Variants in MTMR1 observed in about 807,000 individuals in gnomAD.
MTMR1 encodes the protein myotubularin related protein 1, also known as phosphatidylinositol-3-phosphate phosphatase MTMR1.
Under a neutral mutation model 51.6 loss-of-function variants are expected in MTMR1, and 17 were observed. The observed-to-expected ratio is 0.33, with a 90% CI of 0.23 to 0.49. MTMR1 has a LOEUF of 0.49. MTMR1 is among the 20% of genes least tolerant of loss of function. The pLI, the probability that MTMR1 is intolerant of heterozygous loss-of-function variation, is 0.99. For synonymous variants in MTMR1, 201 were observed against 205.6 expected (o/e 0.98, Z 0.19); for missense variants, 386 against 526.9 (o/e 0.73, Z 2.62).
intron 6 of MTMR1, among the ~76,000 whole-genome samples, 153 bp downstream of exon 6, chrX:150,727,944 C>T (rs1213020596): frequency 8.9e-6 from 1 of 111,808 alleles, no homozygotes; most frequent in Non-Finnish European, 1.9e-5. Context: ...AATCTCATAT[C>T]GAATTTAAAC....
chrX:150,713,306 C>T (rs921401754), intron 3 of MTMR1, among the ~76,000 whole-genome samples: 1 of 111,726 alleles, frequency 9.0e-6, no homozygotes, highest in Non-Finnish European at 1.9e-5. Context: ...CTTAATTACT[C>T]GATTTTCTTT....
In MTMR1 at chrX:150,693,683, G is replaced by A. The variant is rs2040558860; in HGVS notation, c.146+7G>A. ...GCGTGGAGACCCTGGACAGGTAAGC[G>A]GGGCCCGGGCTGCCCCGGCCTCCCG... On this transcript the variant is annotated splice_region_variant and intron_variant, in intron 1 of 15. Coordinates refer to ENST00000445323, the MANE Select transcript of MTMR1 (RefSeq NM_001306144.3). 5.3e-6 allele frequency: 4 copies of A among 756,955 alleles called. No homozygotes were observed. The highest frequency in any genetic ancestry group is 6.2e-6 in the Non-Finnish European group (4 of 641,777). 62.4% of individuals were successfully genotyped at this position (756,955 alleles called of 1,213,427 possible).
intron 14 of MTMR1, among the ~76,000 whole-genome samples, chrX:150,755,025 C>CCA (rs2042862752): frequency 1.8e-5 from 1 of 55,147 alleles, no homozygotes; most frequent in African/African-American, 7.3e-5. Context: ...GACTCCATCT[C>CCA]AAAAAAAAAA....
At chrX:150,744,830 C>T (rs1166460298) in intron 13 of MTMR1, among the ~76,000 whole-genome samples, 10 of 112,250 alleles carry the variant, frequency 8.9e-5, no homozygotes, top group Admixed American at 1.9e-4. Flanking sequence ...ACTGCTAGTA[C>T]ATGGGATTAG....
intron 3 of MTMR1, 42 bp downstream of exon 3, chrX:150,712,407 G>A (rs1557416250): frequency 2.7e-6 from 3 of 1,123,742 alleles, no homozygotes; most frequent in Non-Finnish European, 3.6e-6. Context: ...TCCTACTTGT[G>A]TGTGTCTGTG....
intron 2 of MTMR1, among the ~76,000 whole-genome samples, chrX:150,711,153 C>T (rs2041292229): frequency 8.9e-6 from 1 of 112,272 alleles, no homozygotes; most frequent in African/African-American, 3.2e-5. Flanking sequence ...TTAAAGCCAT[C>T]ACCACAGTTG....
rs782502558 is a variant in MTMR1, at chrX:150,752,725, C to CA, written c.1680+1883dup. On this transcript the variant is annotated intron_variant, in intron 14 of 15. Transcript: ENST00000445323. Reference sequence around the variant, plus strand: ...TAATTTACATACCATAAAATTCACCCATCTAAAATGTACAATTTCATGGTT... The same window carrying CA: ...TAATTTACATACCATAAAATTCACCCAATCTAAAATGTACAATTTCATGGTT... Among the ~76,000 whole-genome samples the CA allele has an allele frequency of 4.5e-3, 477 of 106,133 alleles. 3 individuals carry two copies. The highest frequency in any genetic ancestry group is 0.016 in the African/African-American group (455 of 28,866). 92.2% of individuals were successfully genotyped at this position (106,133 alleles called of 115,157 possible).
intron 4 of MTMR1, among the ~76,000 whole-genome samples, chrX:150,723,526 G>A (rs2041824008): frequency 9.0e-6 from 1 of 110,585 alleles, no homozygotes; most frequent in African/African-American, 3.3e-5. Flanking sequence ...GTTGTTTCCT[G>A]ACTTTTTAAT....
At chrX:150,712,246 T>C in intron 2 of MTMR1, 96 bp from the exon 3 acceptor site, 1 of 750,011 alleles carries the variant, frequency 1.3e-6, no homozygotes, top group South Asian at 2.6e-5. Context: ...AGGATTATGA[T>C]GTTTCTTAGG....
intron 2 of MTMR1, among the ~76,000 whole-genome samples, chrX:150,702,854 G>C (rs1015483708): frequency 4.5e-4 from 50 of 112,230 alleles, no homozygotes; most frequent in Admixed American, 4.4e-3. Flanking sequence ...AGCTGAAAGA[G>C]TAGATAGCTA....
chrX:150,744,286 C>A, intron 12 of MTMR1, 75 bp from the exon 13 acceptor site: 1 of 816,328 alleles, frequency 1.2e-6, no homozygotes, highest in Non-Finnish European at 1.8e-6. Context: ...TGATTCTTAC[C>A]ACTGGACAAC....
At chrX:150,745,340 G>A (rs2042547364) in intron 13 of MTMR1, among the ~76,000 whole-genome samples, 1 of 111,739 alleles carries the variant, frequency 8.9e-6, no homozygotes, top group South Asian at 3.8e-4. Flanking sequence ...TCATTCACCA[G>A]GAGCTCTGGC....
In MTMR1 at chrX:150,712,867, G is replaced by C. The variant is rs781969566; in HGVS notation, c.276+502G>C. 3.6e-3 allele frequency: 2,561 copies of C among 707,906 alleles called. 5 individuals carry two copies. The highest frequency in any genetic ancestry group is 4.2e-3 in the Non-Finnish European group (2,378 of 562,571). 58.3% of individuals were successfully genotyped at this position (707,906 alleles called of 1,213,427 possible). A position where few individuals can be genotyped will look rare whatever the true frequency, so the allele number is the denominator to read the frequency against. Reference sequence around the variant, plus strand: ...GCTAAATTTAGCAAAATCAATCCCAGTTACTATTTTTTAAAATACAGATAT... The same window carrying C: ...GCTAAATTTAGCAAAATCAATCCCACTTACTATTTTTTAAAATACAGATAT... On this transcript the variant is annotated intron_variant, in intron 3 of 15. Transcript: ENST00000445323.
chrX:150,733,525 CA>C (rs1484575573), intron 10 of MTMR1, among the ~76,000 whole-genome samples: 1 of 110,322 alleles, frequency 9.1e-6, no homozygotes, highest in Non-Finnish European at 1.9e-5. Context: ...TCCCAGACCA[CA>C]AACCCTCCGT....
At chrX:150,698,680 G>GCACGCA (rs1557415813) in intron 1 of MTMR1, among the ~76,000 whole-genome samples, 9 of 62,964 alleles carry the variant, frequency 1.4e-4, no homozygotes, top group Admixed American at 1.2e-3. Context: ...ACACGCGCGC[G>GCACGCA]CACACACACA....
intron 3 of MTMR1, chrX:150,714,360 G>A (rs1315675827): frequency 5.5e-6 from 2 of 364,621 alleles, no homozygotes; most frequent in South Asian, 3.5e-5. Flanking sequence ...AAGGTGTGTC[G>A]ACTTTTACAT....
At chrX:150,703,833 T>C (rs1265008287) in intron 2 of MTMR1, among the ~76,000 whole-genome samples, 1 of 111,294 alleles carries the variant, frequency 9.0e-6, no homozygotes, top group Middle Eastern at 4.2e-3. Flanking sequence ...CATGGAAGAG[T>C]GCTGTAGAGA....
At chrX:150,743,748 C>T (rs781944061) in intron 12 of MTMR1, among the ~76,000 whole-genome samples, 36 of 112,337 alleles carry the variant, frequency 3.2e-4, no homozygotes, top group African/African-American at 1.1e-3. Context: ...TTTGAGAATA[C>T]TATCTTTTAC....
rs1557418271 is a variant in MTMR1, at chrX:150,763,876, C to G, written c.*1147C>G. ...CTTACTGACTTTGAGCTCTGTGACT[C>G]CGTCGGTTCTCGCAGGAATTAACTA... On this transcript the variant is annotated 3_prime_UTR_variant, in exon 16 of 16. Coordinates refer to ENST00000445323, the MANE Select transcript of MTMR1 (RefSeq NM_001306144.3). The G allele has an allele frequency of 8.9e-6, 1 of 112,397 alleles. No individual in the cohort carries two copies. The highest frequency in any genetic ancestry group is 3.2e-5 in the African/African-American group (1 of 30,914). The allele number at this position is 112,397 out of a possible 1,213,427, so 9.3% of individuals were successfully genotyped here.
Sources: allele counts gnomAD v4.1 joint callset (sites outside exome capture counted in the v4.1 genomes callset), GRCh38; gene constraint gnomAD v4.1.1; transcripts MANE v1.5; gene names NCBI Gene and HGNC (gene_info 2026-07-23, HGNC 2026-07-21).